Variants in ADGRD1 observed in about 807,000 individuals in gnomAD.
ADGRD1 encodes adhesion G protein-coupled receptor D1.
In ADGRD1, 77 loss-of-function variants were observed where a neutral mutation model predicts 113.4. The ratio of observed to expected loss-of-function variants is 0.68; its 90% CI spans 0.57 to 0.82. The LOEUF (loss-of-function observed/expected upper bound fraction) is 0.82, where lower values mean the gene tolerates loss of function less well. ADGRD1 is among the 40% of genes least tolerant of loss of function. ADGRD1 has a pLI of 0.00. For synonymous variants in ADGRD1, 474 were observed against 475.0 expected (o/e 1.00, Z 0.03); for missense variants, 1,036 against 1,139.1 (o/e 0.91, Z 1.30).
chr12:130,955,509 T>C (rs1869449338), intron 2 of ADGRD1, among the ~76,000 whole-genome samples: 1 of 152,182 alleles, frequency 6.6e-6, no homozygotes, highest in Non-Finnish European at 1.5e-5. Context: ...CCCTTCGCTG[T>C]TAAGAGTGTG....
chr12:131,062,416 C>A (rs899784082), intron 13 of ADGRD1, among the ~76,000 whole-genome samples: 1 of 152,202 alleles, frequency 6.6e-6, no homozygotes, highest in Non-Finnish European at 1.5e-5. Flanking sequence ...CATAAGTTTA[C>A]GTTTCTGTGA....
Position 131,139,297 on chromosome 12 carries a change from C to G in ADGRD1, c.*34C>G, listed in dbSNP as rs370411345. The G allele has an allele frequency of 7.0e-7, 1 of 1,419,266 alleles. No individual in the cohort carries two copies. The highest frequency in any genetic ancestry group is 9.8e-7 in the Non-Finnish European group (1 of 1,019,904). 87.9% of individuals were successfully genotyped at this position (1,419,266 alleles called of 1,614,324 possible). On this transcript the variant is annotated 3_prime_UTR_variant, in exon 25 of 25. Coordinates refer to ENST00000261654, the MANE Select transcript of ADGRD1 (RefSeq NM_198827.5). ...GCTGCCAACCAGGCCAGGCTGCGCT[C>G]AGAACACACCCCCCCAAACAGAATG...
At chr12:130,974,802 T>C (rs200821882) in intron 4 of ADGRD1, among the ~76,000 whole-genome samples, 1,218 of 10,366 alleles carry the variant, frequency 0.12, 5 homozygotes, top group Non-Finnish European at 0.4. Flanking sequence ...GTCCCTGCTG[T>C]GGCCCTGCTC....
Position 130,991,065 on chromosome 12 carries a change from C to A in ADGRD1, c.797C>A (p.Thr266Lys), listed in dbSNP as rs754350632. Residue 266 changes from threonine to lysine, a missense_variant, in exon 7 of 25, where the codon ACA becomes AAA. Coordinates refer to ENST00000261654, the MANE Select transcript of ADGRD1 (RefSeq NM_198827.5). ...STLPSLFMTS[T>K]ASPVMPTDAY... Reference sequence around the variant, plus strand: ...CTGCCAAGCCTCTTCATGACATCCACAGCAAGCCCCGTGGTGAGCAGACAC... The same window carrying A: ...CTGCCAAGCCTCTTCATGACATCCAAAGCAAGCCCCGTGGTGAGCAGACAC... 6.2e-7 allele frequency: 1 copy of A among 1,613,918 alleles called. No homozygotes were observed. The highest frequency in any genetic ancestry group is 8.5e-7 in the Non-Finnish European group (1 of 1,179,778).
chr12:130,966,434 T>G lies in ADGRD1; in HGVS notation c.104-29T>G, dbSNP rs770232857. 6.9e-7 allele frequency: 1 copy of G among 1,458,740 alleles called. No individual in the cohort carries two copies. The highest frequency in any genetic ancestry group is 9.6e-7 in the Non-Finnish European group (1 of 1,038,666). 90.4% of individuals were successfully genotyped at this position (1,458,740 alleles called of 1,614,324 possible). A position where few individuals can be genotyped will look rare whatever the true frequency, so the allele number is the denominator to read the frequency against. On this transcript the variant is annotated intron_variant, in intron 2 of 24. Coordinates refer to ENST00000261654, the MANE Select transcript of ADGRD1 (RefSeq NM_198827.5). This position sits in a 1 kb window ranked among gnomAD's most constrained non-coding sequence, Gnocchi z 4.6. ...CTGGTTCTTTCCTCTCTAATGATGA[T>G]TTAAAATTTTTATTCTTTTTTCCCC...
Position 130,966,579 on chromosome 12 carries a change from C to T in ADGRD1, c.187+33C>T, listed in dbSNP as rs375329543. 27 of 1,369,812 alleles carry T rather than the reference C, an allele frequency of 2.0e-5. No individual in the cohort carries two copies. Among genetic ancestry groups the T allele is most frequent in the Middle Eastern group, 3.6e-4 (2 of 5,608 alleles). 84.9% of individuals were successfully genotyped at this position (1,369,812 alleles called of 1,614,324 possible). Reference sequence around the variant, plus strand: ...CGCGGGTGCTGAGAGCGGCTGTGGGCGCGGGAATCCCAGGGCCATCAGGAG... The same window carrying T: ...CGCGGGTGCTGAGAGCGGCTGTGGGTGCGGGAATCCCAGGGCCATCAGGAG... On this transcript the variant is annotated intron_variant, in intron 3 of 24. Coordinates refer to ENST00000261654, the MANE Select transcript of ADGRD1 (RefSeq NM_198827.5). The surrounding 1 kb of genome is among the most constrained non-coding windows in gnomAD (Gnocchi z 4.6).
At chr12:131,061,589 C>T (rs1884336822) in intron 13 of ADGRD1, among the ~76,000 whole-genome samples, 1 of 152,128 alleles carries the variant, frequency 6.6e-6, no homozygotes, top group South Asian at 2.1e-4. Context: ...ACAAAGAAGT[C>T]CTGTGCACCC....
intron 14 of ADGRD1, among the ~76,000 whole-genome samples, chr12:131,082,575 G>A (rs1052537379): frequency 2.0e-5 from 3 of 152,126 alleles, no homozygotes; most frequent in African/African-American, 7.2e-5. Context: ...GCCTGTTAAT[G>A]TTCAGGCCCC....
intron 8 of ADGRD1, among the ~76,000 whole-genome samples, chr12:130,997,663 G>A (rs1018526268): frequency 6.6e-5 from 10 of 151,118 alleles, no homozygotes; most frequent in South Asian, 2.1e-4. Flanking sequence ...GGGAAGAGGC[G>A]CTCCTCATTT....
intron 15 of ADGRD1, among the ~76,000 whole-genome samples, chr12:131,086,055 C>T (rs1886440353): frequency 6.6e-6 from 1 of 152,156 alleles, no homozygotes; most frequent in African/African-American, 2.4e-5. Flanking sequence ...CCAGCAGGCA[C>T]TTTGTCACCA....
chr12:131,123,395 G>C (rs983070511), intron 20 of ADGRD1, among the ~76,000 whole-genome samples: 1 of 151,876 alleles, frequency 6.6e-6, no homozygotes, highest in Admixed American at 6.6e-5. Context: ...CTGAAGTTTC[G>C]GCTTGTTGGC....
intron 2 of ADGRD1, among the ~76,000 whole-genome samples, chr12:130,964,824 G>C (rs957869572): frequency 6.6e-6 from 1 of 152,162 alleles, no homozygotes; most frequent in Non-Finnish European, 1.5e-5. Flanking sequence ...CTTTATTGTA[G>C]TTTCATGCTG....
intron 9 of ADGRD1, among the ~76,000 whole-genome samples, chr12:131,001,890 C>A (rs1393554680): frequency 6.6e-6 from 1 of 152,130 alleles, no homozygotes; most frequent in Non-Finnish European, 1.5e-5. Flanking sequence ...AGTTTGAGGG[C>A]AGAAGTGGCA....
intron 6 of ADGRD1, chr12:130,990,156 C>G (rs1874201849): frequency 6.6e-6 from 1 of 152,178 alleles, no homozygotes; most frequent in African/African-American, 2.4e-5. Flanking sequence ...GAGTGAATGT[C>G]ACTCTGACTT....
At chr12:131,019,737 G>T (rs71448227) in intron 13 of ADGRD1, among the ~76,000 whole-genome samples, 1 of 152,188 alleles carries the variant, frequency 6.6e-6, no homozygotes, top group Non-Finnish European at 1.5e-5. Flanking sequence ...ACAAATTCTG[G>T]AAGGGACTGA....
At chr12:130,959,856 G>A (rs1269716141) in intron 2 of ADGRD1, among the ~76,000 whole-genome samples, 1 of 152,182 alleles carries the variant, frequency 6.6e-6, no homozygotes, top group African/African-American at 2.4e-5. Flanking sequence ...GACCATAGAT[G>A]GTCATTCTGG....
In ADGRD1 at chr12:131,132,927, T is replaced by C. The variant is rs558305522; in HGVS notation, c.2267+1111T>C. 1.7e-4 allele frequency among the ~76,000 whole-genome samples: 26 copies of C among 152,352 alleles called. No homozygotes were observed. The South Asian group carries it at 5.2e-3, about 30-fold the overall frequency. Reference sequence around the variant, plus strand: ...GATGTGAAAGCAAAAGTGGCAAATATGTCAGCAGCGAATCTATGAGAGAAT... The same window carrying C: ...GATGTGAAAGCAAAAGTGGCAAATACGTCAGCAGCGAATCTATGAGAGAAT... On this transcript the variant is annotated intron_variant, in intron 21 of 24. Coordinates refer to ENST00000261654, the MANE Select transcript of ADGRD1 (RefSeq NM_198827.5).
chr12:130,967,046 A>G, intron 3 of ADGRD1: 1 of 455,780 alleles, frequency 2.2e-6, no homozygotes, highest in Non-Finnish European at 4.4e-6. Context: ...TGGCCTGAGG[A>G]TGCCTCTATG....
At position 130,966,460 on chromosome 12, in the gene ADGRD1, A is replaced by C; in HGVS notation, c.104-3A>C. On this transcript the variant is annotated splice_region_variant and splice_polypyrimidine_tract_variant and intron_variant, in intron 2 of 24. Coordinates refer to ENST00000261654, the MANE Select transcript of ADGRD1 (RefSeq NM_198827.5). This position sits in a 1 kb window ranked among gnomAD's most constrained non-coding sequence, Gnocchi z 4.6. ...TTAAAATTTTTATTCTTTTTTCCCC[A>C]AGGATTTCAGGTGTTGGCGTCTGCT... 1 of 1,597,388 alleles carries C rather than the reference A, an allele frequency of 6.3e-7. No homozygotes were observed. The highest frequency in any genetic ancestry group is 8.6e-7 in the Non-Finnish European group (1 of 1,164,856).
Sources: allele counts gnomAD v4.1 joint callset (sites outside exome capture counted in the v4.1 genomes callset), GRCh38; gene constraint gnomAD v4.1.1; non-coding constraint Gnocchi (gnomAD v3.1); transcripts MANE v1.5; gene names NCBI Gene and HGNC (gene_info 2026-07-23, HGNC 2026-07-21).